ILRUN: variants seen among roughly 807,000 people sequenced by gnomAD.
ILRUN encodes inflammation and lipid regulator with UBA-like and NBR1-like domains.
Under a neutral mutation model 33.8 loss-of-function variants are expected in ILRUN, and 3 were observed. The ratio of observed to expected loss-of-function variants is 0.09; its 90% CI spans 0.04 to 0.23. ILRUN has a LOEUF of 0.23. ILRUN is among the 10% of genes least tolerant of loss of function. The pLI is 1.00. For missense variants in ILRUN, 210 were observed against 375.1 expected (o/e 0.56, Z 3.64); for synonymous variants, 124 against 138.9 (o/e 0.89, Z 0.75).
At chr6:34,655,507 A>G (rs757275232) in intron 1 of ILRUN, among the ~76,000 whole-genome samples, 2 of 152,170 alleles carry the variant, frequency 1.3e-5, no homozygotes, top group African/African-American at 4.8e-5. Flanking sequence ...TATTCTCTTA[A>G]TACTGTATCT....
intron 3 of ILRUN, among the ~76,000 whole-genome samples, chr6:34,612,907 G>A (rs1212452216): frequency 6.6e-6 from 1 of 152,188 alleles, no homozygotes; most frequent in Non-Finnish European, 1.5e-5. Context: ...GCCGGGCATG[G>A]TGGTGGGCAC....
At chr6:34,665,037 C>CA (rs1282532385) in intron 1 of ILRUN, among the ~76,000 whole-genome samples, 1 of 151,998 alleles carries the variant, frequency 6.6e-6, no homozygotes, top group Non-Finnish European at 1.5e-5. Flanking sequence ...GTGGCATACT[C>CA]ACAGCTCACT....
intron 3 of ILRUN, among the ~76,000 whole-genome samples, chr6:34,610,160 CA>C (rs201174084): frequency 3.6e-4 from 43 of 118,400 alleles, no homozygotes; most frequent in Non-Finnish European, 4.1e-4. Flanking sequence ...GACTCCGTCT[CA>C]AAAAAAAAAA....
At chr6:34,679,208 T>C (rs1289906923) in intron 1 of ILRUN, among the ~76,000 whole-genome samples, 1 of 150,292 alleles carries the variant, frequency 6.7e-6, no homozygotes, top group African/African-American at 2.4e-5. Context: ...TTTTTACCTA[T>C]GAAATTGGAA....
At chr6:34,641,001 C>T (rs978031912) in intron 3 of ILRUN, among the ~76,000 whole-genome samples, 2 of 150,274 alleles carry the variant, frequency 1.3e-5, no homozygotes, top group Admixed American at 6.7e-5. Flanking sequence ...ATCGCTTGAA[C>T]CTGGGAGGCA....
At chr6:34,683,269 A>T (rs1311196625) in intron 1 of ILRUN, among the ~76,000 whole-genome samples, 1 of 151,142 alleles carries the variant, frequency 6.6e-6, no homozygotes. Context: ...CAATGGAGGT[A>T]TAAGGGCCTT....
intron 1 of ILRUN, among the ~76,000 whole-genome samples, chr6:34,659,618 C>CTT (rs985939505): frequency 0.026 from 2,333 of 91,428 alleles, 80 homozygotes; most frequent in Middle Eastern, 0.037. Context: ...ATAAGGCAGT[C>CTT]TTTTTTTTTT....
chr6:34,640,501 A>AAG (rs946922044), intron 3 of ILRUN, among the ~76,000 whole-genome samples: 2 of 152,060 alleles, frequency 1.3e-5, no homozygotes, highest in African/African-American at 4.8e-5. Flanking sequence ...TCACAAGGTC[A>AAG]AGAGATTGAG....
At chr6:34,671,539 C>T (rs1218294236) in intron 1 of ILRUN, among the ~76,000 whole-genome samples, 2 of 152,190 alleles carry the variant, frequency 1.3e-5, no homozygotes, top group Non-Finnish European at 2.9e-5. Context: ...ACAGTTAGAA[C>T]TTAATGGATC....
intron 1 of ILRUN, among the ~76,000 whole-genome samples, chr6:34,664,816 A>G (rs1422310729): frequency 6.6e-6 from 1 of 152,240 alleles, no homozygotes; most frequent in Non-Finnish European, 1.5e-5. Context: ...GGTTTAAAAT[A>G]GCAGTTACGA....
At chr6:34,617,455 C>G (rs1160836289) in intron 3 of ILRUN, among the ~76,000 whole-genome samples, 1 of 152,140 alleles carries the variant, frequency 6.6e-6, no homozygotes, top group Non-Finnish European at 1.5e-5. Context: ...TCTGTCTAGT[C>G]TCAACTTCTA....
At chr6:34,678,408 C>T (rs117248655) in intron 1 of ILRUN, among the ~76,000 whole-genome samples, 2 of 152,186 alleles carry the variant, frequency 1.3e-5, no homozygotes, top group East Asian at 3.9e-4. Context: ...AGGTTTGTTA[C>T]ATGGGTAAAT....
At chr6:34,691,774 C>A (rs765465218) in intron 1 of ILRUN, among the ~76,000 whole-genome samples, 4 of 150,956 alleles carry the variant, frequency 2.6e-5, no homozygotes, top group Admixed American at 6.6e-5. Flanking sequence ...CCGGCCTGGG[C>A]GACAGAGCAA....
chr6:34,602,059 C>T (rs1761521094), intron 4 of ILRUN, among the ~76,000 whole-genome samples: 1 of 152,134 alleles, frequency 6.6e-6, no homozygotes, highest in Admixed American at 6.5e-5. Context: ...ATAACAGTGG[C>T]TCAGACTGTA....
chr6:34,631,788 G>T (rs1237231629), intron 3 of ILRUN, among the ~76,000 whole-genome samples: 1 of 152,018 alleles, frequency 6.6e-6, no homozygotes, highest in Non-Finnish European at 1.5e-5. Flanking sequence ...TTTCCTTTTG[G>T]GGTTATAAAA....
At chr6:34,675,525 T>C (rs1486781470) in intron 1 of ILRUN, among the ~76,000 whole-genome samples, 1 of 152,094 alleles carries the variant, frequency 6.6e-6, no homozygotes, top group Non-Finnish European at 1.5e-5. Context: ...GTGAATTTTA[T>C]ATAACAGGGA....
At chr6:34,616,550 G>GA in intron 3 of ILRUN, 3 of 1,352,272 alleles carry the variant, frequency 2.2e-6, no homozygotes, top group Non-Finnish European at 3.1e-6. Flanking sequence ...GGAGGGTGTC[G>GA]AAGAGAAGAA....
intron 3 of ILRUN, among the ~76,000 whole-genome samples, chr6:34,625,594 C>G (rs897869149): frequency 6.6e-6 from 1 of 152,206 alleles, no homozygotes; most frequent in Admixed American, 6.5e-5. Flanking sequence ...GTACTGTAAT[C>G]TCCAATCTAT....
intron 4 of ILRUN, chr6:34,596,090 C>G (rs1761394014): frequency 5.3e-6 from 1 of 189,980 alleles, no homozygotes; most frequent in Non-Finnish European, 9.7e-6. Context: ...TGATCAAACC[C>G]ATTAGTCTCT....
Sources: allele counts gnomAD v4.1 joint callset (sites outside exome capture counted in the v4.1 genomes callset), GRCh38; gene constraint gnomAD v4.1.1; transcripts MANE v1.5; gene names NCBI Gene and HGNC (gene_info 2026-07-23, HGNC 2026-07-21).